Variants in CMSS1 observed in about 807,000 individuals in gnomAD.
CMSS1 encodes protein CMSS1.
Under a neutral mutation model 43.5 loss-of-function variants are expected in CMSS1, and 33 were observed. The ratio of observed to expected loss-of-function variants is 0.76; its 90% CI spans 0.57 to 1.01. CMSS1 has a LOEUF of 1.01. Ranked by LOEUF, CMSS1 falls within the 50% of genes least tolerant of loss-of-function variation. The pLI is 0.00. For missense variants in CMSS1, 313 were observed against 326.4 expected, an observed-to-expected ratio of 0.96 and a Z score of 0.32; for synonymous variants, 115 against 117.2, an observed-to-expected ratio of 0.98 and a Z score of 0.12.
intron 3 of CMSS1, among the ~76,000 whole-genome samples, chr3:100,161,805 A>G (rs1425246113): frequency 6.6e-6 from 1 of 152,186 alleles, no homozygotes; most frequent in Non-Finnish European, 1.5e-5. Context: ...AGACCTGAGA[A>G]TCGAGGGTGT....
rs180967306 is a variant in CMSS1 at position 99,967,931 on chromosome 3, T to C, written c.64+149888T>C. ...TTACAAATAGATAAGTGCAACGGTA[T>C]GTGGGAGTGTCAGAAAAGCATCACA... On this transcript the variant is annotated intron_variant, in intron 1 of 9. Transcript: ENST00000421999. Among the ~76,000 whole-genome samples the C allele has an allele frequency of 4.1e-4, 63 of 152,290 alleles. No homozygotes were observed. The East Asian group carries it at 0.01, about 25-fold the overall frequency.
chr3:100,066,404 G>A (rs2065663719), intron 1 of CMSS1, among the ~76,000 whole-genome samples: 1 of 150,538 alleles, frequency 6.6e-6, no homozygotes, highest in South Asian at 2.1e-4. Flanking sequence ...TTTTGTTTAT[G>A]TAGGCAGTCA....
intron 1 of CMSS1, among the ~76,000 whole-genome samples, chr3:100,088,451 T>C (rs1397491508): frequency 6.6e-6 from 1 of 152,232 alleles, no homozygotes; most frequent in Non-Finnish European, 1.5e-5. Context: ...AACTAAATTA[T>C]TCATTTTCTG....
intron 1 of CMSS1, among the ~76,000 whole-genome samples, chr3:99,837,011 T>G (rs777377815): frequency 2.0e-5 from 3 of 152,176 alleles, no homozygotes; most frequent in Non-Finnish European, 4.4e-5. Context: ...AGGTTTGGCC[T>G]AAAAAAATAG....
intron 1 of CMSS1, among the ~76,000 whole-genome samples, chr3:99,879,979 C>T (rs545416423): frequency 7.9e-5 from 12 of 152,276 alleles, no homozygotes; most frequent in Admixed American, 4.6e-4. Flanking sequence ...CCCACGCTAC[C>T]TTCTACCACC....
intron 1 of CMSS1, among the ~76,000 whole-genome samples, chr3:99,902,975 G>A (rs921500207): frequency 6.6e-6 from 1 of 152,146 alleles, no homozygotes; most frequent in Non-Finnish European, 1.5e-5. Flanking sequence ...CCTAAACCTA[G>A]AACTGTTAGA....
chr3:99,896,104 A>G (rs75957915), intron 1 of CMSS1, among the ~76,000 whole-genome samples: 45 of 148,528 alleles, frequency 3.0e-4, no homozygotes, highest in Non-Finnish European at 3.7e-4. Flanking sequence ...AAACTTTTAG[A>G]AAAAAAAAAG....
chr3:99,997,216 C>T (rs1709709570), intron 1 of CMSS1, among the ~76,000 whole-genome samples: 1 of 152,058 alleles, frequency 6.6e-6, no homozygotes, highest in Non-Finnish European at 1.5e-5. Flanking sequence ...GGATAAACTG[C>T]TTGCTAGACT....
At chr3:100,047,789 G>A (rs2065300636) in intron 1 of CMSS1, among the ~76,000 whole-genome samples, 1 of 152,054 alleles carries the variant, frequency 6.6e-6, no homozygotes, top group Non-Finnish European at 1.5e-5. Context: ...GCATTCAGTG[G>A]CTGTGCGTCT....
At chr3:100,043,854 T>C (rs570666748) in intron 1 of CMSS1, among the ~76,000 whole-genome samples, 139 of 152,322 alleles carry the variant, frequency 9.1e-4, no homozygotes, top group African/African-American at 3.1e-3. Flanking sequence ...AAATATGCAG[T>C]ATGTTATTTT....
At chr3:100,097,979 A>T (rs1456292725) in intron 1 of CMSS1, among the ~76,000 whole-genome samples, 3 of 152,232 alleles carry the variant, frequency 2.0e-5, no homozygotes, top group African/African-American at 7.2e-5. Flanking sequence ...ACAAGGTAAT[A>T]GTGATTTTTA....
intron 1 of CMSS1, among the ~76,000 whole-genome samples, chr3:99,954,854 A>T (rs1708275089): frequency 6.6e-6 from 1 of 152,170 alleles, no homozygotes; most frequent in Admixed American, 6.5e-5. Context: ...AAGTCACAAC[A>T]GACTGTTAGG....
rs1705463398 is a variant in CMSS1 at position 99,875,472 on chromosome 3, C to T, written c.64+57429C>T. Among the ~76,000 whole-genome samples the T allele has an allele frequency of 7.9e-5, 12 of 152,276 alleles. No individual in the cohort carries two copies. The South Asian group carries it at 2.5e-3, about 32-fold the overall frequency. On this transcript the variant is annotated intron_variant, in intron 1 of 9. Coordinates refer to ENST00000421999, the MANE Select transcript of CMSS1 (RefSeq NM_032359.4). ...TGAAGCAGAAAGTTAGAACTCAAAA[C>T]TATGATAGTTACTTCCTTGTACAAA...
At chr3:100,131,396 C>G (rs960922990) in intron 1 of CMSS1, among the ~76,000 whole-genome samples, 1 of 152,180 alleles carries the variant, frequency 6.6e-6, no homozygotes, top group African/African-American at 2.4e-5. Flanking sequence ...GAGTGTTTCT[C>G]CCTATCTCAT....
intron 1 of CMSS1, among the ~76,000 whole-genome samples, chr3:100,029,710 T>C (rs1325482710): frequency 1.3e-5 from 2 of 152,160 alleles, no homozygotes; most frequent in African/African-American, 4.8e-5. Flanking sequence ...TTTCTGATGG[T>C]TTCTTTTTTA....
intron 1 of CMSS1, among the ~76,000 whole-genome samples, chr3:99,963,082 C>T (rs1708541387): frequency 6.6e-6 from 1 of 152,220 alleles, no homozygotes; most frequent in East Asian, 1.9e-4. Flanking sequence ...CCTTCTGCCA[C>T]TGTCAAAGAG....
intron 1 of CMSS1, among the ~76,000 whole-genome samples, chr3:99,832,270 A>G (rs1942696941): frequency 1.4e-5 from 2 of 143,172 alleles, no homozygotes; most frequent in South Asian, 2.2e-4. Flanking sequence ...TCGCTGTATC[A>G]CCCAGACTGG....
intron 1 of CMSS1, among the ~76,000 whole-genome samples, chr3:100,026,715 C>T (rs2064928803): frequency 6.6e-6 from 1 of 152,148 alleles, no homozygotes; most frequent in East Asian, 1.9e-4. Context: ...CTGATCACTT[C>T]TTACGGATTT....
At chr3:99,991,076 G>T (rs1300861003) in intron 1 of CMSS1, among the ~76,000 whole-genome samples, 1 of 152,058 alleles carries the variant, frequency 6.6e-6, no homozygotes, top group African/African-American at 2.4e-5. Flanking sequence ...TGTCACTGGG[G>T]GTCAGTCCTG....
Sources: allele counts gnomAD v4.1 joint callset (sites outside exome capture counted in the v4.1 genomes callset), GRCh38; gene constraint gnomAD v4.1.1; transcripts MANE v1.5; gene names NCBI Gene and HGNC (gene_info 2026-07-23, HGNC 2026-07-21).